MNAT1: variants seen among roughly 807,000 people sequenced by gnomAD.
The protein encoded by MNAT1 is CDK-activating kinase assembly factor MAT1.
Under a neutral mutation model 42.0 loss-of-function variants are expected in MNAT1, and 43 were observed. The ratio of observed to expected loss-of-function variants is 1.02; its 90% CI spans 0.80 to 1.32. The LOEUF is 1.32. Ranked by LOEUF, MNAT1 falls within the 40% of genes most tolerant of loss-of-function variation. MNAT1 has a pLI of 0.00. For missense variants in MNAT1, 306 were observed against 350.4 expected, an observed-to-expected ratio of 0.87 and a Z score of 1.01; for synonymous variants, 118 against 120.0, an observed-to-expected ratio of 0.98 and a Z score of 0.11.
intron 6 of MNAT1, among the ~76,000 whole-genome samples, chr14:60,854,385 G>T (rs1476119478): frequency 6.6e-6 from 1 of 152,108 alleles, no homozygotes; most frequent in Non-Finnish European, 1.5e-5. Flanking sequence ...GAGGCATTCT[G>T]GTTTTTGGAA....
rs2032446453 is a variant in MNAT1, at chr14:60,808,425, G to C, written c.417G>C (p.Lys139Asn). 2.0e-6 allele frequency: 3 copies of C among 1,515,438 alleles called. No homozygotes were observed. Among genetic ancestry groups the C allele is most frequent in the Non-Finnish European group, 2.7e-6 (3 of 1,118,946 alleles). The allele number at this position is 1,515,438 out of a possible 1,614,324, so 93.9% of individuals were successfully genotyped here. The change falls in exon 4 of 8, where the codon AAG (lysine) becomes AAC (asparagine). Residue 139 changes from lysine (K) to asparagine (N), a missense_variant. Physicochemically the swap from Lys to Asn is moderately conservative, Grantham distance 94. This residue lies in a region of MNAT1 where 118 missense variants were observed against 99.8 expected (regional missense o/e 1.18). Transcript: ENST00000261245. ...ATGTTATTCAGAAAAATAAATTAAA[G>C]CTGGTCGGTTGCTAAGTATTTTCTT... ...NKDVIQKNKL[K>N]LTREQEELEE...
chr14:60,802,731 C>G (rs2032244698), intron 3 of MNAT1, among the ~76,000 whole-genome samples: 2 of 152,072 alleles, frequency 1.3e-5, no homozygotes, highest in Admixed American at 1.3e-4. Flanking sequence ...TGACCTGACC[C>G]CATGCAGTTG....
intron 4 of MNAT1, 180 bp downstream of exon 4, chr14:60,808,608 G>T: frequency 2.4e-6 from 1 of 409,404 alleles, no homozygotes. Context: ...CATTACTGTA[G>T]CAAAAACCAC....
intron 6 of MNAT1, among the ~76,000 whole-genome samples, chr14:60,868,005 A>C: frequency 6.6e-6 from 1 of 152,170 alleles, no homozygotes; most frequent in East Asian, 1.9e-4. Flanking sequence ...TGACAGGCTG[A>C]CATCACCCTA....
intron 6 of MNAT1, among the ~76,000 whole-genome samples, chr14:60,840,061 T>A (rs1416265660): frequency 6.6e-6 from 1 of 152,276 alleles, no homozygotes; most frequent in Non-Finnish European, 1.5e-5. Flanking sequence ...TGCGGATCCC[T>A]AGAAAGAAAC....
At position 60,857,733 on chromosome 14, in the gene MNAT1, T is replaced by G. The variant is rs192709041; in HGVS notation, c.688-21981T>G. On this transcript the variant is annotated intron_variant, in intron 6 of 7. Coordinates refer to ENST00000261245, the MANE Select transcript of MNAT1 (RefSeq NM_002431.4). ...ATGCTATCCCTCCCCCAGCCCCCCA[T>G]CCCCTGACAGGCCCCGGTGTGTGAT... Among the ~76,000 whole-genome samples, 779 of 143,736 alleles carry G rather than the reference T, an allele frequency of 5.4e-3. 8 individuals are homozygous for G. Among genetic ancestry groups the G allele is most frequent in the African/African-American group, 0.018 (712 of 40,026 alleles). The allele number at this position is 143,736 out of a possible 152,430, so 94.3% of individuals were successfully genotyped here. A position where few individuals can be genotyped will look rare whatever the true frequency, so the allele number is the denominator to read the frequency against.
intron 7 of MNAT1, among the ~76,000 whole-genome samples, chr14:60,882,237 C>T (rs938024076): frequency 1.3e-5 from 2 of 152,058 alleles, no homozygotes; most frequent in South Asian, 4.2e-4. Flanking sequence ...CATCCTCTCC[C>T]ACCTCCTCAC....
At chr14:60,739,658 A>G (rs936915618) in intron 1 of MNAT1, among the ~76,000 whole-genome samples, 1 of 152,230 alleles carries the variant, frequency 6.6e-6, no homozygotes, top group Non-Finnish European at 1.5e-5. Flanking sequence ...AATTGATTGT[A>G]TGCATATAGA....
chr14:60,888,309 A>T lies in MNAT1; in HGVS notation c.809+8474A>T, dbSNP rs190696445. 1.8e-3 allele frequency among the ~76,000 whole-genome samples: 267 copies of T among 152,132 alleles called. 2 individuals carry two copies. The highest frequency in any genetic ancestry group is 6.1e-3 in the African/African-American group (252 of 41,406). On this transcript the variant is annotated intron_variant, in intron 7 of 7. Coordinates refer to ENST00000261245, the MANE Select transcript of MNAT1 (RefSeq NM_002431.4). ...CTGGTTCAACATACACAAATCAATA[A>T]TCATAATCCAGCATATTAACAGAAC...
intron 7 of MNAT1, among the ~76,000 whole-genome samples, chr14:60,908,159 A>T (rs1370826066): frequency 6.6e-6 from 1 of 152,142 alleles, no homozygotes; most frequent in South Asian, 2.1e-4. Flanking sequence ...AAATTGTGCC[A>T]TTTTTAAAAA....
intron 6 of MNAT1, among the ~76,000 whole-genome samples, chr14:60,843,251 A>G (rs961093875): frequency 1.1e-4 from 16 of 151,990 alleles, no homozygotes; most frequent in African/African-American, 3.9e-4. Context: ...GGTTTTCAGC[A>G]TTTTTTATTC....
intron 6 of MNAT1, among the ~76,000 whole-genome samples, chr14:60,837,003 G>C (rs2033409470): frequency 6.6e-6 from 1 of 152,168 alleles, no homozygotes; most frequent in Admixed American, 6.5e-5. Flanking sequence ...AAACTTCCCT[G>C]ATGCTTTGTT....
chr14:60,936,005 G>C (rs1348698464), intron 7 of MNAT1, among the ~76,000 whole-genome samples: 2 of 152,134 alleles, frequency 1.3e-5, no homozygotes, highest in Non-Finnish European at 2.9e-5. Context: ...ATGGACTCCT[G>C]CTAACAGGCC....
chr14:60,734,766 C>T lies in MNAT1; in HGVS notation c.-97C>T. 1 of 1,088,146 alleles carries T rather than the reference C, an allele frequency of 9.2e-7. No individual in the cohort carries two copies. Among genetic ancestry groups the T allele is most frequent in the South Asian group, 1.3e-5 (1 of 75,676 alleles). 67.4% of individuals were successfully genotyped at this position (1,088,146 alleles called of 1,614,324 possible). ...GCGAAGGGACCGTCTCTGCCAAGCG[C>T]CTGTTGGTAGGAACCTGCTTGGTCG... On this transcript the variant is annotated 5_prime_UTR_variant, in exon 1 of 8. Coordinates refer to ENST00000261245, the MANE Select transcript of MNAT1 (RefSeq NM_002431.4). This position sits in a 1 kb window ranked among gnomAD's most constrained non-coding sequence, Gnocchi z 4.3.
intron 6 of MNAT1, among the ~76,000 whole-genome samples, chr14:60,849,983 C>T (rs970425217): frequency 6.6e-6 from 1 of 151,948 alleles, no homozygotes; most frequent in Non-Finnish European, 1.5e-5. Context: ...ATTACAGGTG[C>T]CTGGCACCAC....
At chr14:60,950,626 G>A (rs1318628000) in intron 7 of MNAT1, among the ~76,000 whole-genome samples, 3 of 152,194 alleles carry the variant, frequency 2.0e-5, no homozygotes, top group South Asian at 2.1e-4. Flanking sequence ...ATTAGCTATC[G>A]TTAGTGTTAG....
At chr14:60,844,439 A>AT (rs1177196201) in intron 6 of MNAT1, among the ~76,000 whole-genome samples, 1 of 151,920 alleles carries the variant, frequency 6.6e-6, no homozygotes, top group Non-Finnish European at 1.5e-5. Flanking sequence ...ACTTATTGTC[A>AT]TTTTTTTCCC....
intron 7 of MNAT1, 74 bp downstream of exon 7, chr14:60,879,909 A>G: frequency 6.7e-7 from 1 of 1,484,954 alleles, no homozygotes; most frequent in Non-Finnish European, 9.1e-7. Flanking sequence ...TGACATGTTA[A>G]CATTCTTAGA....
intron 6 of MNAT1, among the ~76,000 whole-genome samples, chr14:60,858,433 T>TA (rs1361282845): frequency 2.6e-5 from 4 of 151,838 alleles, no homozygotes; most frequent in Admixed American, 2.6e-4. Context: ...TTTTTTTTTT[T>TA]ATAAATTTGT....
Sources: gnomAD v4.1 joint callset for allele counts (sites outside exome capture counted in the v4.1 genomes callset) on GRCh38, gnomAD v4.1.1 for gene constraint, gnomAD v4.1.1 regional missense constraint, Gnocchi (gnomAD v3.1) non-coding constraint, MANE v1.5 for transcripts, NCBI Gene and HGNC (gene_info 2026-07-23, HGNC 2026-07-21) for gene names.